KDM2A: variants seen among roughly 807,000 people sequenced by gnomAD.
The protein encoded by KDM2A is lysine-specific demethylase 2A.
Under a neutral mutation model 137.3 loss-of-function variants are expected in KDM2A, and 3 were observed. The observed-to-expected ratio is 0.02, with a 90% CI of 0.01 to 0.06. The LOEUF is 0.06. KDM2A is among the 10% of genes least tolerant of loss of function. The pLI is 1.00. For missense variants in KDM2A, 738 were observed against 1,510.6 expected, an observed-to-expected ratio of 0.49 and a Z score of 8.48; for synonymous variants, 512 against 541.5, an observed-to-expected ratio of 0.95 and a Z score of 0.76.
At chr11:67,171,496 T>G (rs1856882170) in intron 2 of KDM2A, among the ~76,000 whole-genome samples, 1 of 151,270 alleles carries the variant, frequency 6.6e-6, no homozygotes, top group African/African-American at 2.4e-5. Context: ...TCTGAGAGGT[T>G]AAATGATTTA....
intron 5 of KDM2A, among the ~76,000 whole-genome samples, chr11:67,201,067 G>A (rs1010147724): frequency 1.4e-4 from 22 of 151,910 alleles, no homozygotes; most frequent in African/African-American, 4.6e-4. Flanking sequence ...GGTGGCGGGC[G>A]CTTGTAGTCC....
rs901545813 is a variant in KDM2A, at chr11:67,199,655, G to A, written c.308-7855G>A. Among the ~76,000 whole-genome samples the A allele has an allele frequency of 3.3e-5, 5 of 152,304 alleles. No homozygotes were observed. The South Asian group carries it at 1.0e-3, about 32-fold the overall frequency. On this transcript the variant is annotated intron_variant, in intron 5 of 20. Transcript: ENST00000529006. ...GCTGCAGAAGAAAAGTTTAAAGCCA[G>A]GAGAGGTTGGTTTATGAAGTTTAAG...
intron 16 of KDM2A, 118 bp from the exon 17 acceptor site, chr11:67,249,968 C>G: frequency 1.5e-6 from 1 of 678,704 alleles, no homozygotes; most frequent in Non-Finnish European, 2.1e-6. Context: ...ATGACCCCCT[C>G]TCCAACGTGA....
At position 67,257,745 on chromosome 11, in the gene KDM2A, C is replaced by G. The variant is rs1859657993; in HGVS notation, c.*2690C>G. The G allele has an allele frequency of 6.6e-6, 1 of 152,064 alleles. No individual in the cohort carries two copies. The highest frequency in any genetic ancestry group is 1.5e-5 in the Non-Finnish European group (1 of 68,032). The allele number at this position is 152,064 out of a possible 1,614,324, so 9.4% of individuals were successfully genotyped here. ...TATTTTTTTGTTGCTGATTTAGAGT[C>G]AATCTCCAATGTTGTGCTAAAAAGT... is the stretch of plus-strand genomic sequence containing the variant. On this transcript the variant is annotated 3_prime_UTR_variant, in exon 21 of 21. Coordinates refer to ENST00000529006, the MANE Select transcript of KDM2A (RefSeq NM_012308.3).
chr11:67,154,053 A>G (rs1181705683), intron 2 of KDM2A, among the ~76,000 whole-genome samples: 3 of 152,132 alleles, frequency 2.0e-5, no homozygotes, highest in Admixed American at 2.0e-4. Context: ...CAAATTCCAT[A>G]ATGTCTAATA....
intron 2 of KDM2A, among the ~76,000 whole-genome samples, chr11:67,141,544 G>C (rs961958468): frequency 4.0e-5 from 6 of 151,074 alleles, no homozygotes. Flanking sequence ...GCAGGTACCT[G>C]TAGTCCCAGC....
At position 67,250,170 on chromosome 11, in the gene KDM2A, C is replaced by T. The variant is rs1175709878; in HGVS notation, c.2140C>T (p.Pro714Ser). 6.2e-7 allele frequency: 1 copy of T among 1,613,584 alleles called. No homozygotes were observed. Among genetic ancestry groups the T allele is most frequent in the Non-Finnish European group, 8.5e-7 (1 of 1,179,790 alleles). ...GCGGAGCTGCGATGAGCCTCTCACG[C>T]CCCCGCCTCATTCACCCACTTCCAT... ...PLRSCDEPLT[P>S]PPHSPTSMLQ... The change falls in exon 17 of 21, where the codon CCC (proline) becomes TCC (serine). Residue 714 changes from proline (P) to serine (S), a missense_variant. By Grantham distance (74) the Pro-to-Ser change is moderately conservative. Coordinates refer to ENST00000529006, the MANE Select transcript of KDM2A (RefSeq NM_012308.3). This position sits in a 1 kb window ranked among gnomAD's most constrained non-coding sequence, Gnocchi z 7.1.
intron 5 of KDM2A, among the ~76,000 whole-genome samples, chr11:67,204,646 C>T (rs1320099053): frequency 6.6e-6 from 1 of 151,972 alleles, no homozygotes; most frequent in Non-Finnish European, 1.5e-5. Flanking sequence ...TGCCTGCCAC[C>T]ACACCTGGCT....
intron 2 of KDM2A, among the ~76,000 whole-genome samples, chr11:67,130,560 G>T (rs1178509486): frequency 2.6e-5 from 4 of 152,086 alleles, no homozygotes; most frequent in African/African-American, 9.7e-5. Context: ...TCGGGTCTTG[G>T]TTTTGGTTAT....
At position 67,240,237 on chromosome 11, in the gene KDM2A, A is replaced by G. The variant is rs773857530; in HGVS notation, c.1480-2772A>G. On this transcript the variant is annotated intron_variant, in intron 12 of 20. Transcript: ENST00000529006. The stretch of plus-strand genomic sequence containing the variant: ...GCTCTGGGAGATTCCAGAATATTCA[A>G]GTAAATCCGGATTTTCCCAGAGGCA... 9 of 1,535,488 alleles carry G rather than the reference A, an allele frequency of 5.9e-6. No homozygotes were observed. The South Asian group carries it at 5.9e-5, about 10-fold the overall frequency.
Position 67,255,536 on chromosome 11 carries a change from A to G in KDM2A, c.*481A>G, listed in dbSNP as rs1184153136. The G allele has an allele frequency of 4.4e-6, 2 of 456,880 alleles. No individual in the cohort carries two copies. The highest frequency in any genetic ancestry group is 4.7e-5 in the Admixed American group (2 of 42,592). The allele number at this position is 456,880 out of a possible 1,614,324, so 28.3% of individuals were successfully genotyped here. A position where few individuals can be genotyped will look rare whatever the true frequency, so the allele number is the denominator to read the frequency against. ...TCCATCACACTCTCCCGGCTTGCGC[A>G]GGAGGGGCCAGCAGCCCCAGGAGTC... is the stretch of plus-strand genomic sequence containing the variant. On this transcript the variant is annotated 3_prime_UTR_variant, in exon 21 of 21. Coordinates refer to ENST00000529006, the MANE Select transcript of KDM2A (RefSeq NM_012308.3).
intron 1 of KDM2A, 50 bp from the exon 2 acceptor site, chr11:67,121,183 GC>G: frequency 2.9e-6 from 2 of 689,902 alleles, no homozygotes; most frequent in Non-Finnish European, 5.1e-6. Flanking sequence ...TGAACAGAAA[GC>G]ACAAGTTTGA....
intron 16 of KDM2A, 109 bp downstream of exon 16, chr11:67,248,479 G>A: frequency 1.5e-6 from 1 of 686,322 alleles, no homozygotes; most frequent in East Asian, 2.9e-5. Flanking sequence ...CTCTGACCTA[G>A]GAGATTATTT....
At chr11:67,240,946 T>G (rs1159685515) in intron 12 of KDM2A, among the ~76,000 whole-genome samples, 1 of 152,122 alleles carries the variant, frequency 6.6e-6, no homozygotes, top group African/African-American at 2.4e-5. Context: ...ACCGACACAG[T>G]TTTCCGCCTA....
chr11:67,181,180 T>C, intron 3 of KDM2A, 140 bp from the exon 4 acceptor site: 1 of 461,338 alleles, frequency 2.2e-6, no homozygotes, highest in Non-Finnish European at 3.8e-6. Flanking sequence ...ACTAAGCATA[T>C]ATTTTATTGA....
chr11:67,206,692 G>A (rs972159697), intron 5 of KDM2A, among the ~76,000 whole-genome samples: 12 of 152,290 alleles, frequency 7.9e-5, no homozygotes, highest in Non-Finnish European at 1.2e-4. Context: ...AGCCGAGAGC[G>A]TGCCACTGCA....
At chr11:67,227,770 C>T (rs1858593609) in intron 10 of KDM2A, among the ~76,000 whole-genome samples, 1 of 152,134 alleles carries the variant, frequency 6.6e-6, no homozygotes, top group Non-Finnish European at 1.5e-5. Flanking sequence ...AGGGTTTCAC[C>T]ATGTTGGTCA....
At chr11:67,219,266 C>A in intron 9 of KDM2A, 22 bp from the exon 10 acceptor site, 1 of 1,300,338 alleles carries the variant, frequency 7.7e-7, no homozygotes, top group Non-Finnish European at 1.1e-6. Context: ...TCAGCCACTG[C>A]CCTCTGTTCC....
chr11:67,195,352 G>A (rs1417304867), intron 5 of KDM2A, among the ~76,000 whole-genome samples: 1 of 115,944 alleles, frequency 8.6e-6, no homozygotes, highest in African/African-American at 3.2e-5. Flanking sequence ...CTGGGTGATC[G>A]AGTGAGACTC....
Sources: allele counts gnomAD v4.1 joint callset (sites outside exome capture counted in the v4.1 genomes callset), GRCh38; gene constraint gnomAD v4.1.1; non-coding constraint Gnocchi (gnomAD v3.1); transcripts MANE v1.5; gene names NCBI Gene and HGNC (gene_info 2026-07-23, HGNC 2026-07-21).